Variants in SBF2 observed in about 807,000 individuals in gnomAD.
SBF2 encodes the protein myotubularin-related protein 13.
SBF2 carries 112 observed loss-of-function variants against 225.2 expected under a neutral mutation model. The observed-to-expected ratio is 0.50, with a 90% CI of 0.43 to 0.58. The LOEUF is 0.58. Ranked by LOEUF, SBF2 falls within the 20% of genes least tolerant of loss-of-function variation. The pLI, the probability that SBF2 is intolerant of heterozygous loss-of-function variation, is 0.00. For missense variants in SBF2, 1,996 were observed against 2,206.2 expected (o/e 0.90, Z 1.91); for synonymous variants, 763 against 773.3 (o/e 0.99, Z 0.22).
At chr11:9,930,682 G>T (rs919164922) in intron 16 of SBF2, among the ~76,000 whole-genome samples, 1 of 152,234 alleles carries the variant, frequency 6.6e-6, no homozygotes, top group Non-Finnish European at 1.5e-5. Flanking sequence ...CAGCGTGATC[G>T]ATGCAGAAGA....
chr11:10,213,865 C>T (rs1361128770), intron 1 of SBF2, among the ~76,000 whole-genome samples: 3 of 152,174 alleles, frequency 2.0e-5, no homozygotes, highest in Non-Finnish European at 2.9e-5. Flanking sequence ...CAATCAATAA[C>T]TCAACTTACA....
intron 26 of SBF2, among the ~76,000 whole-genome samples, chr11:9,834,434 C>A (rs192536110): frequency 9.8e-5 from 15 of 152,308 alleles, no homozygotes; most frequent in African/African-American, 3.4e-4. Flanking sequence ...GCAACTACCA[C>A]CACTATCCAT....
intron 6 of SBF2, 70 bp from the exon 7 acceptor site, chr11:10,002,759 T>C: frequency 6.8e-7 from 1 of 1,461,482 alleles, no homozygotes; most frequent in Non-Finnish European, 9.5e-7. Context: ...TCATAGACAG[T>C]ATACACGGAA....
chr11:9,821,931 C>T (rs1854779101), intron 28 of SBF2, among the ~76,000 whole-genome samples: 1 of 152,126 alleles, frequency 6.6e-6, no homozygotes, highest in African/African-American at 2.4e-5. Flanking sequence ...GGGCATATGC[C>T]TTCTATCTCT....
chr11:9,901,369 A>G (rs1386247557), intron 16 of SBF2, among the ~76,000 whole-genome samples: 1 of 152,132 alleles, frequency 6.6e-6, no homozygotes, highest in East Asian at 1.9e-4. Context: ...AAGAATATAA[A>G]CCAAAAATGA....
chr11:10,170,740 G>A (rs745969867), intron 2 of SBF2, among the ~76,000 whole-genome samples: 13 of 152,046 alleles, frequency 8.6e-5, no homozygotes, highest in African/African-American at 1.9e-4. Context: ...GCTTTAGGTA[G>A]TATAAACATT....
At chr11:10,073,632 G>A (rs1428697997) in intron 2 of SBF2, among the ~76,000 whole-genome samples, 2 of 152,144 alleles carry the variant, frequency 1.3e-5, no homozygotes, top group Non-Finnish European at 2.9e-5. Context: ...CATGAGAATT[G>A]CCTGAAACTG....
chr11:9,923,397 A>T lies in SBF2; in HGVS notation c.1861-27386T>A, dbSNP rs953794528. On this transcript the variant is annotated intron_variant, in intron 16 of 39. Transcript: ENST00000256190. ...CTAAGCAATTTAAATCCAGTGGCAG[A>T]ATTTTTGGCTACAGTGAGACAAACT... Among the ~76,000 whole-genome samples the T allele has an allele frequency of 1.7e-4, 26 of 152,178 alleles. 1 individual carries two copies. The highest frequency in any genetic ancestry group is 1.7e-3 in the Admixed American group (26 of 15,276).
chr11:10,178,908 G>A (rs1297846511), intron 2 of SBF2, among the ~76,000 whole-genome samples: 1 of 147,102 alleles, frequency 6.8e-6, no homozygotes, highest in Non-Finnish European at 1.5e-5. Context: ...TGTTTATTGT[G>A]GCATTATTCA....
intron 2 of SBF2, chr11:10,164,825 G>T (rs1235814370): frequency 6.6e-6 from 1 of 152,230 alleles, no homozygotes; most frequent in Non-Finnish European, 1.5e-5. Flanking sequence ...ACTGCTCACA[G>T]TCAGAGATCT....
At chr11:9,925,398 C>T (rs2134238617) in intron 16 of SBF2, among the ~76,000 whole-genome samples, 1 of 152,246 alleles carries the variant, frequency 6.6e-6, no homozygotes, top group South Asian at 2.1e-4. Context: ...CTGCCTCAGC[C>T]TCCCAAGTAG....
rs1449876274 is a variant in SBF2, at chr11:10,056,551, T to A, written c.142-13570A>T. Among the ~76,000 whole-genome samples, 5 of 152,356 alleles carry A rather than the reference T, an allele frequency of 3.3e-5. No individual in the cohort carries two copies. The East Asian group carries it at 9.6e-4, about 29-fold the overall frequency. On this transcript the variant is annotated intron_variant, in intron 2 of 39. Coordinates refer to ENST00000256190, the MANE Select transcript of SBF2 (RefSeq NM_030962.4). ...GATTTGGCTCTCAGTTTGGTTGTTGTTGGTGTATAGGAATCCTAGTGATTT... is the reference window on the plus strand; with the variant it reads ...GATTTGGCTCTCAGTTTGGTTGTTGATGGTGTATAGGAATCCTAGTGATTT...
chr11:10,107,184 A>AATC (rs1280993890), intron 2 of SBF2, among the ~76,000 whole-genome samples: 1 of 152,256 alleles, frequency 6.6e-6, no homozygotes, highest in Non-Finnish European at 1.5e-5. Flanking sequence ...AGGGAAATGA[A>AATC]ATCATGTGTT....
chr11:10,036,958 A>G (rs1182764547), intron 3 of SBF2, among the ~76,000 whole-genome samples: 1 of 152,180 alleles, frequency 6.6e-6, no homozygotes, highest in African/African-American at 2.4e-5. Flanking sequence ...AAGAAAAGGT[A>G]TTTGATGTTG....
At chr11:9,958,967 G>A in intron 16 of SBF2, 2 of 738,118 alleles carry the variant, frequency 2.7e-6, no homozygotes, top group East Asian at 2.5e-5. Context: ...ATGTGGTACT[G>A]CTGTTGCTTG....
At chr11:9,967,417 T>G (rs1244359974) in intron 14 of SBF2, among the ~76,000 whole-genome samples, 2 of 150,784 alleles carry the variant, frequency 1.3e-5, no homozygotes, top group Non-Finnish European at 3.0e-5. Flanking sequence ...TGCTACAACA[T>G]AGACGTACAT....
At chr11:10,101,850 T>C (rs971978676) in intron 2 of SBF2, among the ~76,000 whole-genome samples, 5 of 152,104 alleles carry the variant, frequency 3.3e-5, no homozygotes, top group East Asian at 1.9e-4. Flanking sequence ...TATCACAGGA[T>C]AGAACATGGG....
At chr11:9,847,660 A>G (rs1856648406) in intron 22 of SBF2, among the ~76,000 whole-genome samples, 1 of 152,188 alleles carries the variant, frequency 6.6e-6, no homozygotes, top group Non-Finnish European at 1.5e-5. Flanking sequence ...CCTTTGGAAA[A>G]CAAGCCTGGA....
At chr11:10,135,282 T>C (rs1054902523) in intron 2 of SBF2, among the ~76,000 whole-genome samples, 2 of 151,974 alleles carry the variant, frequency 1.3e-5, no homozygotes, top group African/African-American at 4.8e-5. Context: ...AAACCATTTT[T>C]TCCTCCTAGG....
Sources: allele counts gnomAD v4.1 joint callset (sites outside exome capture counted in the v4.1 genomes callset), GRCh38; gene constraint gnomAD v4.1.1; transcripts MANE v1.5; gene names NCBI Gene and HGNC (gene_info 2026-07-23, HGNC 2026-07-21).